Variants in ARHGAP21 observed in about 807,000 individuals in gnomAD.
ARHGAP21 encodes rho GTPase-activating protein 21.
Under a neutral mutation model 164.6 loss-of-function variants are expected in ARHGAP21, and 38 were observed. The observed-to-expected ratio is 0.23, with a 90% confidence interval of 0.18 to 0.30. The LOEUF is 0.30. Among genes scored for constraint, ARHGAP21 ranks in the 10% least tolerant of loss-of-function variants. The pLI, the probability that ARHGAP21 is intolerant of heterozygous loss-of-function variation, is 1.00. For synonymous variants in ARHGAP21, 766 were observed against 857.9 expected (o/e 0.89, Z 1.87); for missense variants, 1,822 against 2,370.7 (o/e 0.77, Z 4.81).
intron 3 of ARHGAP21, among the ~76,000 whole-genome samples, chr10:24,668,783 G>A (rs1298693271): frequency 2.0e-5 from 3 of 151,800 alleles, no homozygotes; most frequent in African/African-American, 4.8e-5. Context: ...TTATTGTACT[G>A]TGCTACTAAA....
chr10:24,614,085 C>T (rs2077376074), intron 9 of ARHGAP21, among the ~76,000 whole-genome samples: 1 of 152,172 alleles, frequency 6.6e-6, no homozygotes, highest in South Asian at 2.1e-4. Context: ...TATCAGCTCA[C>T]CAATTTCACT....
chr10:24,591,828 A>G, intron 22 of ARHGAP21, 59 bp downstream of exon 22: 2 of 1,591,426 alleles, frequency 1.3e-6, no homozygotes, highest in Non-Finnish European at 1.7e-6. Context: ...GCTGCCCGTG[A>G]AAATGAATTT....
intron 4 of ARHGAP21, among the ~76,000 whole-genome samples, chr10:24,651,858 C>G (rs1204775514): frequency 1.3e-5 from 2 of 152,080 alleles, no homozygotes; most frequent in Admixed American, 1.3e-4. Flanking sequence ...AATCAAAATT[C>G]CAACAGAATT....
At chr10:24,698,264 A>C (rs951527865) in intron 2 of ARHGAP21, among the ~76,000 whole-genome samples, 1 of 152,150 alleles carries the variant, frequency 6.6e-6, no homozygotes, top group Non-Finnish European at 1.5e-5. Flanking sequence ...TTTTCTAAGA[A>C]TCACTTTTTG....
intron 2 of ARHGAP21, among the ~76,000 whole-genome samples, chr10:24,686,223 G>A (rs2886854): frequency 0.54 from 82,591 of 151,792 alleles, 22,702 homozygotes; most frequent in African/African-American, 0.61. Context: ...TTGAGCCCAG[G>A]AGTTGAAACC....
intron 4 of ARHGAP21, among the ~76,000 whole-genome samples, chr10:24,651,904 C>T (rs1412101795): frequency 6.6e-6 from 1 of 152,028 alleles, no homozygotes; most frequent in Non-Finnish European, 1.5e-5. Flanking sequence ...AAATTTGATT[C>T]TAAGAAGACA....
At chr10:24,637,165 C>T (rs1836467793) in intron 4 of ARHGAP21, among the ~76,000 whole-genome samples, 2 of 152,162 alleles carry the variant, frequency 1.3e-5, no homozygotes, top group Admixed American at 1.3e-4. Flanking sequence ...GTGGCAATTC[C>T]ATGCTGCCTC....
At chr10:24,613,245 T>A (rs187170327) in intron 9 of ARHGAP21, among the ~76,000 whole-genome samples, 120 of 152,316 alleles carry the variant, frequency 7.9e-4, no homozygotes, top group African/African-American at 2.6e-3. Context: ...GATGCTAATA[T>A]ATTCACATGG....
intron 4 of ARHGAP21, among the ~76,000 whole-genome samples, chr10:24,643,691 A>G (rs543606129): frequency 2.2e-4 from 33 of 152,340 alleles, no homozygotes; most frequent in Middle Eastern, 6.8e-3. Context: ...ACTACGGAGA[A>G]TTCCAAAATA....
At chr10:24,594,892 C>CATATCTTTTAA in intron 21 of ARHGAP21, 58 bp downstream of exon 21, 1 of 1,360,626 alleles carries the variant, frequency 7.3e-7, no homozygotes. Context: ...AGTAATGAAG[C>CATATCTTTTAA]ATATCTTTTA....
intron 4 of ARHGAP21, among the ~76,000 whole-genome samples, chr10:24,664,435 G>C (rs908829477): frequency 6.6e-6 from 1 of 151,794 alleles, no homozygotes; most frequent in African/African-American, 2.4e-5. Flanking sequence ...TGCGCTTTTA[G>C]TCCCAGCTAC....
At chr10:24,619,438 T>C (rs1486275685) in intron 9 of ARHGAP21, 35 bp downstream of exon 9, 1 of 1,561,002 alleles carries the variant, frequency 6.4e-7, no homozygotes, top group African/African-American at 1.4e-5. Flanking sequence ...TCTTATACAT[T>C]TGGCATATTA....
In ARHGAP21 at chr10:24,667,703, A is replaced by T. The variant is rs564016320; in HGVS notation, c.244-694T>A. On this transcript the variant is annotated intron_variant, in intron 3 of 25. Transcript: ENST00000396432. ...AGAAAGAAAAACAGACGTTCGGTGA[A>T]GGGCTGATAATTTATTACATAATTT... Among the ~76,000 whole-genome samples the T allele has an allele frequency of 1.7e-3, 262 of 152,208 alleles. 1 individual carries two copies. The highest frequency in any genetic ancestry group is 6.0e-3 in the African/African-American group (251 of 41,544).
chr10:24,602,234 T>G, intron 12 of ARHGAP21, 131 bp from the exon 13 acceptor site: 1 of 1,023,900 alleles, frequency 9.8e-7, no homozygotes, highest in Non-Finnish European at 1.4e-6. Context: ...AATCCTAACT[T>G]TATCTTTTTA....
chr10:24,678,010 C>G (rs973429011), intron 2 of ARHGAP21, among the ~76,000 whole-genome samples: 9 of 151,654 alleles, frequency 5.9e-5, no homozygotes, highest in African/African-American at 2.2e-4. Flanking sequence ...GCCTGTAATC[C>G]CAGCACTTAG....
chr10:24,701,194 T>A (rs1454661467), intron 2 of ARHGAP21, among the ~76,000 whole-genome samples: 5 of 151,248 alleles, frequency 3.3e-5, no homozygotes, highest in Admixed American at 1.3e-4. Context: ...AAAAAAAAAA[T>A]GCTCTATGCA....
At chr10:24,690,024 T>C (rs1034298306) in intron 2 of ARHGAP21, among the ~76,000 whole-genome samples, 5 of 151,732 alleles carry the variant, frequency 3.3e-5, no homozygotes, top group African/African-American at 1.2e-4. Context: ...CTATTTCTTT[T>C]TATTCAATAT....
chr10:24,639,640 G>C (rs1836782923), intron 4 of ARHGAP21, among the ~76,000 whole-genome samples: 1 of 151,916 alleles, frequency 6.6e-6, no homozygotes. Context: ...GCCGGGGGAG[G>C]GGATAGGACG....
intron 21 of ARHGAP21, among the ~76,000 whole-genome samples, chr10:24,593,968 T>C (rs572960571): frequency 2.0e-5 from 3 of 152,086 alleles, no homozygotes; most frequent in Non-Finnish European, 2.9e-5. Context: ...TTGCAGGTAA[T>C]AGAGGTTGAC....
Sources: gnomAD v4.1 joint callset for allele counts (sites outside exome capture counted in the v4.1 genomes callset) on GRCh38, gnomAD v4.1.1 for gene constraint, MANE v1.5 for transcripts, NCBI Gene and HGNC (gene_info 2026-07-23, HGNC 2026-07-21) for gene names.